NSD3: variants seen among roughly 807,000 people sequenced by gnomAD.
NSD3 encodes histone-lysine N-methyltransferase NSD3.
Under a neutral mutation model 160.8 loss-of-function variants are expected in NSD3, and 24 were observed. The ratio of observed to expected loss-of-function variants is 0.15; its 90% CI spans 0.11 to 0.21. NSD3 has a LOEUF of 0.21. Ranked by LOEUF, NSD3 falls within the 10% of genes least tolerant of loss-of-function variation. The pLI is 1.00. For synonymous variants in NSD3, 520 were observed against 600.0 expected (o/e 0.87, Z 1.95); for missense variants, 1,157 against 1,735.9 (o/e 0.67, Z 5.93).
At chr8:38,378,536 A>G (rs1002054053) in intron 1 of NSD3, among the ~76,000 whole-genome samples, 14 of 152,080 alleles carry the variant, frequency 9.2e-5, no homozygotes, top group African/African-American at 3.4e-4. Flanking sequence ...CAGCTGCTCC[A>G]GAGGCTGAGG....
intron 2 of NSD3, among the ~76,000 whole-genome samples, chr8:38,341,691 C>T (rs1476062714): frequency 6.6e-6 from 1 of 152,148 alleles, no homozygotes; most frequent in Non-Finnish European, 1.5e-5. Flanking sequence ...GTGGTTCACA[C>T]CTATAATCCC....
chr8:38,310,425 A>G (rs1401708645), intron 12 of NSD3, among the ~76,000 whole-genome samples: 1 of 152,196 alleles, frequency 6.6e-6, no homozygotes, highest in Non-Finnish European at 1.5e-5. Context: ...TCATCCATCA[A>G]TGGACATTTG....
chr8:38,278,291 C>T lies in NSD3; in HGVS notation c.3867+15G>A, dbSNP rs754188209. ...TATCGCCTGTTGACTGGGGGCGCTC[C>T]CCTGCAAGACTGACCTTTGGCCGCA... On this transcript the variant is annotated intron_variant, in intron 22 of 23. Transcript: ENST00000317025. 1.2e-6 allele frequency: 2 copies of T among 1,611,482 alleles called. No individual in the cohort carries two copies. Among genetic ancestry groups the T allele is most frequent in the African/African-American group, 1.3e-5 (1 of 74,796 alleles).
chr8:38,361,827 T>A (rs1202152532), intron 1 of NSD3, among the ~76,000 whole-genome samples: 2 of 145,478 alleles, frequency 1.4e-5, no homozygotes, highest in East Asian at 4.1e-4. Flanking sequence ...ATATCCAGGG[T>A]TGAGAAGCTG....
At chr8:38,325,092 G>C (rs1387792853) in intron 7 of NSD3, among the ~76,000 whole-genome samples, 1 of 152,200 alleles carries the variant, frequency 6.6e-6, no homozygotes, top group African/African-American at 2.4e-5. Flanking sequence ...ACCCAAGGAG[G>C]GGGTCACGAG....
At chr8:38,374,289 AAAAT>A (rs1412540854) in intron 1 of NSD3, among the ~76,000 whole-genome samples, 2 of 152,226 alleles carry the variant, frequency 1.3e-5, no homozygotes, top group African/African-American at 2.4e-5. Flanking sequence ...AAAAATAAAA[AAAAT>A]AAATAAATCT....
chr8:38,304,848 G>T lies in NSD3; in HGVS notation c.2441-91C>A. 1.6e-5 allele frequency: 21 copies of T among 1,349,452 alleles called. 2 individuals are homozygous for T. In the South Asian group the frequency reaches 3.0e-4, roughly 19 times the overall value. 83.6% of individuals were successfully genotyped at this position (1,349,452 alleles called of 1,614,324 possible). A position where few individuals can be genotyped will look rare whatever the true frequency, so the allele number is the denominator to read the frequency against. ...GAGTTGGGCTTTTTTGGGTCCCTCT[G>T]AGATGCTAGTTACAGTAGATGGAAA... On this transcript the variant is annotated intron_variant, in intron 13 of 23. Coordinates refer to ENST00000317025, the MANE Select transcript of NSD3 (RefSeq NM_023034.2).
At chr8:38,347,242 C>T (rs2150383595) in intron 2 of NSD3, among the ~76,000 whole-genome samples, 1 of 152,162 alleles carries the variant, frequency 6.6e-6, no homozygotes, top group Admixed American at 6.6e-5. Context: ...TAAAAATAAC[C>T]GAGGTCATCA....
intron 1 of NSD3, among the ~76,000 whole-genome samples, chr8:38,367,443 G>C (rs1336758205): frequency 6.6e-6 from 1 of 152,152 alleles, no homozygotes; most frequent in African/African-American, 2.4e-5. Context: ...CAGGTGTGGT[G>C]GCTCATGCCT....
rs1809759267 is a variant in NSD3, at chr8:38,319,983, A to G, written c.1810-1043T>C. 6.6e-6 allele frequency: 1 copy of G among 152,186 alleles called. No individual in the cohort carries two copies. The highest frequency in any genetic ancestry group is 1.5e-5 in the Non-Finnish European group (1 of 68,018). The allele number at this position is 152,186 out of a possible 1,614,324, so 9.4% of individuals were successfully genotyped here. ...TGGTCACAGACTGATTTTGGGAACC[A>G]GCTGGCAAAATCACAACTTCATTTT... is the stretch of plus-strand genomic sequence containing the variant. On this transcript the variant is annotated intron_variant, in intron 8 of 23. Coordinates refer to ENST00000317025, the MANE Select transcript of NSD3 (RefSeq NM_023034.2). This position sits in a 1 kb window ranked among gnomAD's most constrained non-coding sequence, Gnocchi z 4.1.
chr8:38,351,769 G>A (rs1021299790), intron 1 of NSD3, among the ~76,000 whole-genome samples: 14 of 151,816 alleles, frequency 9.2e-5, no homozygotes, highest in Admixed American at 2.6e-4. Flanking sequence ...ACTATCGCAA[G>A]GACAAAAAAC....
Position 38,288,473 on chromosome 8 carries a change from C to T in NSD3, c.3501+14G>A, listed in dbSNP as rs752973167. On this transcript the variant is annotated intron_variant, in intron 19 of 23. Coordinates refer to ENST00000317025, the MANE Select transcript of NSD3 (RefSeq NM_023034.2). The surrounding 1 kb of genome is among the most constrained non-coding windows in gnomAD (Gnocchi z 4.5). ...TTCTGGTCTCTTCCACCCCCCACCA[C>T]CATCCCATGCTACCTTCTTAATGCT... 1 of 1,612,060 alleles carries T rather than the reference C, an allele frequency of 6.2e-7. No homozygotes were observed. The highest frequency in any genetic ancestry group is 8.5e-7 in the Non-Finnish European group (1 of 1,178,428).
chr8:38,333,406 T>C (rs1810116034), intron 4 of NSD3, among the ~76,000 whole-genome samples: 1 of 152,220 alleles, frequency 6.6e-6, no homozygotes, highest in Non-Finnish European at 1.5e-5. Context: ...CAAGCACATC[T>C]GTCTCTGACT....
At chr8:38,363,552 G>GA (rs1460937879) in intron 1 of NSD3, among the ~76,000 whole-genome samples, 3 of 141,706 alleles carry the variant, frequency 2.1e-5, no homozygotes, top group Non-Finnish European at 4.5e-5. Flanking sequence ...TGAGGCAGGA[G>GA]AATCACTTGA....
intron 14 of NSD3, among the ~76,000 whole-genome samples, chr8:38,303,942 T>C (rs1177771967): frequency 2.0e-5 from 3 of 152,236 alleles, no homozygotes; most frequent in African/African-American, 7.2e-5. Context: ...TTTGATTTTA[T>C]ATTTATCATG....
At position 38,319,151 on chromosome 8, in the gene NSD3, A is replaced by AT; in HGVS notation, c.1810-212_1810-211insA. ...TGCCTGTGCTGAATATCAAGTGACA[A>AT]CACACAGCCACATGCTCTCTAGCAA... is the stretch of plus-strand genomic sequence containing the variant. On this transcript the variant is annotated intron_variant, in intron 8 of 23. Coordinates refer to ENST00000317025, the MANE Select transcript of NSD3 (RefSeq NM_023034.2). This position sits in a 1 kb window ranked among gnomAD's most constrained non-coding sequence, Gnocchi z 4.1. 1.9e-6 allele frequency: 1 copy of AT among 522,026 alleles called. No homozygotes were observed. Among genetic ancestry groups the AT allele is most frequent in the Non-Finnish European group, 3.4e-6 (1 of 292,482 alleles). 32.3% of individuals were successfully genotyped at this position (522,026 alleles called of 1,614,324 possible). A position where few individuals can be genotyped will look rare whatever the true frequency, so the allele number is the denominator to read the frequency against.
At position 38,319,875 on chromosome 8, in the gene NSD3, G is replaced by A. The variant is rs1470904297; in HGVS notation, c.1810-935C>T. ...AATCTTCTAAACAATCACTGGTATTGTTCTACTACTAACTATAACACAGTG... is the reference window on the plus strand; with the variant it reads ...AATCTTCTAAACAATCACTGGTATTATTCTACTACTAACTATAACACAGTG... On this transcript the variant is annotated intron_variant, in intron 8 of 23. Transcript: ENST00000317025. This position sits in a 1 kb window ranked among gnomAD's most constrained non-coding sequence, Gnocchi z 4.1. The A allele has an allele frequency of 1.3e-5, 2 of 152,032 alleles. No individual in the cohort carries two copies. The highest frequency in any genetic ancestry group is 2.9e-5 in the Non-Finnish European group (2 of 68,006). 9.4% of individuals were successfully genotyped at this position (152,032 alleles called of 1,614,324 possible). A position where few individuals can be genotyped will look rare whatever the true frequency, so the allele number is the denominator to read the frequency against.
intron 1 of NSD3, among the ~76,000 whole-genome samples, chr8:38,377,585 G>A (rs1811425829): frequency 6.6e-6 from 1 of 152,060 alleles, no homozygotes; most frequent in Non-Finnish European, 1.5e-5. Flanking sequence ...CTGACCTCAA[G>A]CAATCCGCCC....
chr8:38,334,471 T>C (rs556688055), intron 4 of NSD3, among the ~76,000 whole-genome samples: 23 of 152,280 alleles, frequency 1.5e-4, no homozygotes, highest in Middle Eastern at 3.4e-3. Context: ...AAAGGGTGAA[T>C]TGGCCAGGAG....
Sources: gnomAD v4.1 joint callset for allele counts (sites outside exome capture counted in the v4.1 genomes callset) on GRCh38, gnomAD v4.1.1 for gene constraint, Gnocchi (gnomAD v3.1) non-coding constraint, MANE v1.5 for transcripts, NCBI Gene and HGNC (gene_info 2026-07-23, HGNC 2026-07-21) for gene names.